The following PRAMEF12 variants were observed in gnomAD, a reference collection of about 807,000 sequenced individuals.
PRAMEF12 encodes the protein PRAME family member 12.
In PRAMEF12, 24 loss-of-function variants were observed where a neutral mutation model predicts 24.6. The ratio of observed to expected loss-of-function variants is 0.98; its 90% CI spans 0.71 to 1.37. PRAMEF12 has a LOEUF of 1.37. Among genes scored for constraint, PRAMEF12 ranks in the 40% most tolerant of loss-of-function variants. PRAMEF12 has a pLI of 0.00. For synonymous variants in PRAMEF12, 286 were observed against 242.6 expected (o/e 1.18, Z -1.66); for missense variants, 646 against 580.3 (o/e 1.11, Z -1.16).
At chr1:12,775,239 G>C (rs1228105775) in intron 1 of PRAMEF12, 85 bp downstream of exon 1, 6 of 1,452,084 alleles carry the variant, frequency 4.1e-6, no homozygotes, top group Non-Finnish European at 5.6e-6. Context: ...GAGGCCCAAG[G>C]GTGGCCCAGA....
In PRAMEF12 at chr1:12,777,329, G is replaced by T; in HGVS notation, c.1182G>T (p.Glu394Asp). ...ACCTCATCTCCATGGCCGCCCTGGA[G>T]AACCTGCTGCGCCACACCGTCGGGC... ...CGNLISMAAL[E>D]NLLRHTVGLS... is the part of the protein sequence containing the mutation. The change falls in exon 3 of 3, where the codon GAG (glutamate) becomes GAT (aspartate). Residue 394 changes from glutamate to aspartate, a missense_variant. By Grantham distance (45) the Glu-to-Asp change is conservative. Transcript: ENST00000357726. 1 of 1,613,256 alleles carries T rather than the reference G, an allele frequency of 6.2e-7. No individual in the cohort carries two copies. The highest frequency in any genetic ancestry group is 8.5e-7 in the Non-Finnish European group (1 of 1,179,854).
Position 12,775,836 on chromosome 1 carries a change from T to G in PRAMEF12, c.581T>G (p.Ile194Arg). 1 of 1,614,062 alleles carries G rather than the reference T, an allele frequency of 6.2e-7. No homozygotes were observed. The highest frequency in any genetic ancestry group is 8.5e-7 in the Non-Finnish European group (1 of 1,179,996). ...TTTGGAATAGCCATCCACAGGATCATAGAGGTCCTGAACACGGTGGAGCTA... is the reference window on the plus strand; with the variant it reads ...TTTGGAATAGCCATCCACAGGATCAGAGAGGTCCTGAACACGGTGGAGCTA... Reference protein sequence around the residue: ...QIFGIAIHRIIEVLNTVELDC... With the variant: ...QIFGIAIHRIREVLNTVELDC... Residue 194 changes from isoleucine to arginine, a missense_variant, in exon 2 of 3, where the codon ATA (isoleucine) becomes AGA (arginine). By Grantham distance (97) the Ile-to-Arg change is moderately conservative. Coordinates refer to ENST00000357726, the MANE Select transcript of PRAMEF12 (RefSeq NM_001080830.5).
rs529189101 is a variant in PRAMEF12, at chr1:12,774,895, C to T, written c.28C>T (p.Leu10=). 5.6e-6 allele frequency: 9 copies of T among 1,612,214 alleles called. No homozygotes were observed. The highest frequency in any genetic ancestry group is 1.1e-5 in the South Asian group (1 of 90,896). ...GAGCCTCCAGGCCCCACCTAGACTCCTGGAGCTGGCTGAGCAGAGTCTGCT... is the reference window on the plus strand; with the variant it reads ...GAGCCTCCAGGCCCCACCTAGACTCTTGGAGCTGGCTGAGCAGAGTCTGCT... MSLQAPPRL[L]ELAEQSLLRD... The change falls in exon 1 of 3, where the codon CTG becomes TTG. Residue 10 remains leucine, a synonymous_variant. Coordinates refer to ENST00000357726, the MANE Select transcript of PRAMEF12 (RefSeq NM_001080830.5).
rs184712378 is a variant in PRAMEF12, at chr1:12,774,314, T to G, written c.-554T>G. Among the ~76,000 whole-genome samples, 8 of 152,306 alleles carry G rather than the reference T, an allele frequency of 5.3e-5. No homozygotes were observed. The highest frequency in any genetic ancestry group is 7.4e-5 in the Non-Finnish European group (5 of 68,022). On this transcript the variant is annotated 5_prime_UTR_variant, in exon 1 of 3. It adds an upstream start codon to the 5' untranslated region. Transcript: ENST00000357726. ...GTGAGTCTGTGTAAGAGATCAACAT[T>G]GGAACCTTCATCTGAGAGTTAGTGT...
chr1:12,774,733 C>T lies in PRAMEF12; in HGVS notation c.-135C>T. 1 of 818,302 alleles carries T rather than the reference C, an allele frequency of 1.2e-6. No homozygotes were observed. The highest frequency in any genetic ancestry group is 1.9e-6 in the Non-Finnish European group (1 of 526,772). The allele number at this position is 818,302 out of a possible 1,614,324, so 50.7% of individuals were successfully genotyped here. A position where few individuals can be genotyped will look rare whatever the true frequency, so the allele number is the denominator to read the frequency against. ...AAGGGCAGAATTACAGATTTGTGTC[C>T]AGAAAGTGCAGAGTGGAATTGGGGT... On this transcript the variant is annotated 5_prime_UTR_variant, in exon 1 of 3. The change creates a premature stop within an existing upstream ORF in the 5' untranslated region. Transcript: ENST00000357726.
Position 12,774,782 on chromosome 1 carries a change from A to G in PRAMEF12, c.-86A>G. 1 of 1,351,206 alleles carries G rather than the reference A, an allele frequency of 7.4e-7. No homozygotes were observed. Among genetic ancestry groups the G allele is most frequent in the South Asian group, 1.4e-5 (1 of 71,552 alleles). 83.7% of individuals were successfully genotyped at this position (1,351,206 alleles called of 1,614,324 possible). A position where few individuals can be genotyped will look rare whatever the true frequency, so the allele number is the denominator to read the frequency against. The stretch of plus-strand genomic sequence containing the variant: ...GTGAACTAATTACCTTTCCACCTCT[A>G]CCAGAGCAATGACATTGGCACTAGG... On this transcript the variant is annotated 5_prime_UTR_variant, in exon 1 of 3. Transcript: ENST00000357726.
rs776935777 is a variant in PRAMEF12 at position 12,775,766 on chromosome 1, C to T, written c.511C>T (p.Gln171Ter). The change falls in exon 2 of 3, where the codon CAG becomes TAG. Residue 171 changes from glutamine (Q) to a stop codon, truncating the protein, a stop_gained. Coordinates refer to ENST00000357726, the MANE Select transcript of PRAMEF12 (RefSeq NM_001080830.5). LOFTEE classifies it high-confidence loss of function. ...CACCCACTTCTTAGAGTGGGGCAAG[C>T]AGAGAAAAGGCTTACTGCACGTGTG... ...CLTHFLEWGKQRKGLLHVCCK... is the reference protein window; with the variant it reads ...CLTHFLEWGK The T allele has an allele frequency of 6.2e-7, 1 of 1,613,616 alleles. No individual in the cohort carries two copies.
At chr1:12,775,437 CAG>C (rs1163726598) in intron 1 of PRAMEF12, 104 bp from the exon 2 acceptor site, 19 of 1,157,680 alleles carry the variant, frequency 1.6e-5, no homozygotes, top group South Asian at 8.9e-5. Context: ...GGAGAAAAGA[CAG>C]AGAGTGGGAG....
rs1639011862 is a variant in PRAMEF12 at position 12,773,953 on chromosome 1, T to C, written c.-915T>C. On this transcript the variant is annotated 5_prime_UTR_variant, in exon 1 of 3. Transcript: ENST00000357726. ...AGAAGAACAAATTTAGGCTTTGATT[T>C]TTCCTCTAAATGTAGTTTTGTCTTC... Among the ~76,000 whole-genome samples the C allele has an allele frequency of 6.6e-6, 1 of 152,220 alleles. No homozygotes were observed. Among genetic ancestry groups the C allele is most frequent in the Admixed American group, 6.5e-5 (1 of 15,286 alleles).
chr1:12,777,719 A>G lies in PRAMEF12; in HGVS notation c.*120A>G. On this transcript the variant is annotated 3_prime_UTR_variant, in exon 3 of 3. Coordinates refer to ENST00000357726, the MANE Select transcript of PRAMEF12 (RefSeq NM_001080830.5). ...AACCGGAAAGGAAAGGGGATGCAGG[A>G]AGGGAGGGACTGGGGGAAAAGTTGA... is the stretch of plus-strand genomic sequence containing the variant. 8.1e-7 allele frequency: 1 copy of G among 1,227,146 alleles called. No homozygotes were observed. The allele number at this position is 1,227,146 out of a possible 1,614,324, so 76.0% of individuals were successfully genotyped here.
intron 2 of PRAMEF12, 90 bp from the exon 3 acceptor site, chr1:12,776,921 G>A: frequency 7.6e-7 from 1 of 1,323,486 alleles, no homozygotes; most frequent in Non-Finnish European, 1.1e-6. Context: ...CCTCAGATAA[G>A]CAGAACAGCC....
rs375245601 is a variant in PRAMEF12 at position 12,775,131 on chromosome 1, G to C, written c.264G>C (p.Leu88=). ...CTGTGCTGGAGGGGCTTGATGCACT[G>C]CTTGCCCAGAAGGTTCGCCCCAGGT... ...FRAVLEGLDA[L]LAQKVRPRRW... The change falls in exon 1 of 3, where the codon CTG becomes CTC. Residue 88 remains leucine (L), a synonymous_variant. Transcript: ENST00000357726. 1.4e-5 allele frequency: 22 copies of C among 1,612,500 alleles called. No individual in the cohort carries two copies. The highest frequency in any genetic ancestry group is 3.4e-6 in the Non-Finnish European group (4 of 1,179,122).
rs1639022378 is a variant in PRAMEF12 at position 12,774,789 on chromosome 1, C to A, written c.-79C>A. 2.9e-6 allele frequency: 4 copies of A among 1,387,562 alleles called. No homozygotes were observed. The South Asian group carries it at 4.1e-5, about 14-fold the overall frequency. The allele number at this position is 1,387,562 out of a possible 1,614,324, so 86.0% of individuals were successfully genotyped here. On this transcript the variant is annotated 5_prime_UTR_variant, in exon 1 of 3. Coordinates refer to ENST00000357726, the MANE Select transcript of PRAMEF12 (RefSeq NM_001080830.5). Reference sequence around the variant, plus strand: ...AATTACCTTTCCACCTCTACCAGAGCAATGACATTGGCACTAGGAGATGAT... The same window carrying A: ...AATTACCTTTCCACCTCTACCAGAGAAATGACATTGGCACTAGGAGATGAT...
In PRAMEF12 at chr1:12,774,396, T is replaced by C. The variant is rs140685161; in HGVS notation, c.-472T>C. 3.3e-5 allele frequency among the ~76,000 whole-genome samples: 5 copies of C among 152,326 alleles called. No homozygotes were observed. Among genetic ancestry groups the C allele is most frequent in the African/African-American group, 1.2e-4 (5 of 41,572 alleles). On this transcript the variant is annotated 5_prime_UTR_variant, in exon 1 of 3. Coordinates refer to ENST00000357726, the MANE Select transcript of PRAMEF12 (RefSeq NM_001080830.5). ...ACTGTCATGCTGTTTTTACAATTTC[T>C]TGTTACAATTTTTCAAAATAAAAAA...
chr1:12,777,389 T>TCTG lies in PRAMEF12; in HGVS notation c.1243_1245dup (p.Leu415dup). ...TAAGCCTGGAGCTGTATCCTGCCCC[T>TCTG]CTGGAGAGTTATGATGCCCAGGGTG... On this transcript the variant is annotated inframe_insertion, in exon 3 of 3. Transcript: ENST00000357726. 6.2e-7 allele frequency: 1 copy of TCTG among 1,613,846 alleles called. No homozygotes were observed. Among genetic ancestry groups the TCTG allele is most frequent in the East Asian group, 2.2e-5 (1 of 44,860 alleles).
In PRAMEF12 at chr1:12,777,537, T is replaced by C. The variant is rs750792438; in HGVS notation, c.1390T>C (p.Ser464Pro). 1.2e-6 allele frequency: 2 copies of C among 1,614,136 alleles called. No individual in the cohort carries two copies. Among genetic ancestry groups the C allele is most frequent in the Non-Finnish European group, 1.7e-6 (2 of 1,180,026 alleles). The change falls in exon 3 of 3, where the codon TCC (serine) becomes CCC (proline). Residue 464 changes from serine to proline, a missense_variant. Ser to Pro is a moderately conservative substitution (Grantham distance 74). Coordinates refer to ENST00000357726, the MANE Select transcript of PRAMEF12 (RefSeq NM_001080830.5). The stretch of plus-strand genomic sequence containing the variant: ...CTGCCCTCGCTGTGGCATCAGGGCC[T>C]CCTATGACCTGGAGCCCAGTCACTG... ...VPCPRCGIRASYDLEPSHCLL... is the reference protein window; with the variant it reads ...VPCPRCGIRAPYDLEPSHCLL...
At position 12,774,891 on chromosome 1, in the gene PRAMEF12, A is replaced by G; in HGVS notation, c.24A>G (p.Arg8=). ...GGATGAGCCTCCAGGCCCCACCTAG[A>G]CTCCTGGAGCTGGCTGAGCAGAGTC... MSLQAPP[R]LLELAEQSLL... Residue 8 remains arginine, a synonymous_variant, in exon 1 of 3, where the codon AGA becomes AGG. Coordinates refer to ENST00000357726, the MANE Select transcript of PRAMEF12 (RefSeq NM_001080830.5). 2 of 1,610,166 alleles carry G rather than the reference A, an allele frequency of 1.2e-6. No homozygotes were observed. The highest frequency in any genetic ancestry group is 1.7e-6 in the Non-Finnish European group (2 of 1,178,082).
rs549292898 is a variant in PRAMEF12 at position 12,775,477 on chromosome 1, T to C, written c.288-66T>C. On this transcript the variant is annotated intron_variant, in intron 1 of 2. Coordinates refer to ENST00000357726, the MANE Select transcript of PRAMEF12 (RefSeq NM_001080830.5). Reference sequence around the variant, plus strand: ...GCAGCAGGGAGGAGAGTCGCTGATGTCCGGGATGTGGATAAAAGCTCAAAT... The same window carrying C: ...GCAGCAGGGAGGAGAGTCGCTGATGCCCGGGATGTGGATAAAAGCTCAAAT... 8.5e-4 allele frequency: 1,217 copies of C among 1,430,708 alleles called. 12 individuals carry two copies. The highest frequency in any genetic ancestry group is 7.9e-3 in the South Asian group (600 of 76,426). 88.6% of individuals were successfully genotyped at this position (1,430,708 alleles called of 1,614,324 possible).
In PRAMEF12 at chr1:12,774,448, T is replaced by C. The variant is rs543110262; in HGVS notation, c.-420T>C. Among the ~76,000 whole-genome samples, 3 of 152,234 alleles carry C rather than the reference T, an allele frequency of 2.0e-5. No individual in the cohort carries two copies. Among genetic ancestry groups the C allele is most frequent in the Non-Finnish European group, 4.4e-5 (3 of 68,040 alleles). On this transcript the variant is annotated 5_prime_UTR_variant, in exon 1 of 3. Transcript: ENST00000357726. ...AATGGCGCTGATTCCAAGGAGTCCC[T>C]TTAGTCTTCTGCAAGCATGTCAATT...
Sources: allele counts gnomAD v4.1 joint callset (sites outside exome capture counted in the v4.1 genomes callset), GRCh38; gene constraint gnomAD v4.1.1; transcripts MANE v1.5; gene names NCBI Gene and HGNC (gene_info 2026-07-23, HGNC 2026-07-21).